The following NALF1 variants were observed in gnomAD, a reference collection of about 807,000 sequenced individuals.
The protein encoded by NALF1 is NALCN channel auxiliary factor 1, also known as family with sequence similarity 155 member A.
A neutral mutation model predicts 48.4 loss-of-function variants in NALF1; 3 were observed. The observed-to-expected ratio is 0.06, with a 90% confidence interval of 0.03 to 0.16. The LOEUF (loss-of-function observed/expected upper bound fraction) is 0.16. NALF1 is among the 10% of genes least tolerant of loss of function. The pLI, the probability that NALF1 is intolerant of heterozygous loss-of-function variation, is 1.00. For missense variants in NALF1, 526 were observed against 571.5 expected, an observed-to-expected ratio of 0.92 and a Z score of 0.81; for synonymous variants, 262 against 245.7, an observed-to-expected ratio of 1.07 and a Z score of -0.62.
intron 1 of NALF1, among the ~76,000 whole-genome samples, chr13:107,295,203 A>C (rs1392300870): frequency 6.6e-6 from 1 of 152,044 alleles, no homozygotes; most frequent in Admixed American, 6.6e-5. Flanking sequence ...AGGTGTACTC[A>C]ATGTTTAGTT....
At chr13:107,513,263 C>T in intron 1 of NALF1, among the ~76,000 whole-genome samples, 1 of 152,208 alleles carries the variant, frequency 6.6e-6, no homozygotes, top group Middle Eastern at 3.4e-3. Flanking sequence ...TGCTTTCTGG[C>T]AAAATAATTT....
chr13:107,211,226 G>C (rs906795149), intron 1 of NALF1, among the ~76,000 whole-genome samples: 1 of 152,186 alleles, frequency 6.6e-6, no homozygotes, highest in African/African-American at 2.4e-5. Flanking sequence ...GGCCCAGCAG[G>C]GGTTGGGAAA....
rs1343904522 is a variant in NALF1 at position 107,790,319 on chromosome 13, G to A, written c.915+75363C>T. Among the ~76,000 whole-genome samples, 3 of 152,106 alleles carry A rather than the reference G, an allele frequency of 2.0e-5. No homozygotes were observed. The East Asian group carries it at 5.8e-4, about 29-fold the overall frequency. The stretch of plus-strand genomic sequence containing the variant: ...TGGAATAATACAGTACAAAGAATAT[G>A]TCAAAATTAACTCTTAAATAGGCAA... On this transcript the variant is annotated intron_variant, in intron 1 of 2. Transcript: ENST00000375915.
chr13:107,312,668 TAC>T (rs1314389120), intron 1 of NALF1, among the ~76,000 whole-genome samples: 2 of 152,170 alleles, frequency 1.3e-5, no homozygotes, highest in African/African-American at 2.4e-5. Flanking sequence ...AGGAGAACCC[TAC>T]ATCTTTTACG....
intron 1 of NALF1, among the ~76,000 whole-genome samples, chr13:107,782,306 C>G (rs1338275635): frequency 1.3e-5 from 2 of 152,208 alleles, no homozygotes; most frequent in Non-Finnish European, 2.9e-5. Flanking sequence ...CCGCCAGCCT[C>G]GGCCTCCGGA....
At chr13:107,236,546 T>C (rs943388228) in intron 1 of NALF1, among the ~76,000 whole-genome samples, 1 of 152,076 alleles carries the variant, frequency 6.6e-6, no homozygotes, top group African/African-American at 2.4e-5. Context: ...AGAAAACAAA[T>C]GTAAAGAGAT....
chr13:107,798,924 T>A (rs754040726), intron 1 of NALF1, among the ~76,000 whole-genome samples: 1 of 152,220 alleles, frequency 6.6e-6, no homozygotes, highest in Admixed American at 6.5e-5. Context: ...TGAGCACCTA[T>A]ATATGTCAGG....
At position 107,753,474 on chromosome 13, in the gene NALF1, C is replaced by T. The variant is rs57651997; in HGVS notation, c.915+112208G>A. On this transcript the variant is annotated intron_variant, in intron 1 of 2. Coordinates refer to ENST00000375915, the MANE Select transcript of NALF1 (RefSeq NM_001080396.3). ...TACCAATGTAAATAGTGTGTTTGGTCATAACAAAACCAAGGCAGTCTTTTT... is the reference window on the plus strand; with the variant it reads ...TACCAATGTAAATAGTGTGTTTGGTTATAACAAAACCAAGGCAGTCTTTTT... Among the ~76,000 whole-genome samples the T allele has an allele frequency of 0.04, 5,994 of 149,904 alleles. 524 individuals are homozygous for T. The East Asian group carries it at 0.42, about 11-fold the overall frequency.
intron 1 of NALF1, among the ~76,000 whole-genome samples, chr13:107,342,856 C>T (rs1332638915): frequency 1.3e-5 from 2 of 152,084 alleles, no homozygotes; most frequent in Non-Finnish European, 1.5e-5. Context: ...ATGTATCTAA[C>T]ATCAAAGCTC....
intron 1 of NALF1, among the ~76,000 whole-genome samples, chr13:107,793,839 C>T (rs1353697985): frequency 1.3e-5 from 2 of 151,568 alleles, no homozygotes; most frequent in Admixed American, 6.6e-5. Flanking sequence ...CAATGAATCA[C>T]TAAAAGTTTT....
Position 107,406,564 on chromosome 13 carries a change from A to G in NALF1, c.916-195809T>C, listed in dbSNP as rs552909440. Among the ~76,000 whole-genome samples the G allele has an allele frequency of 2.6e-5, 4 of 152,196 alleles. No homozygotes were observed. In the South Asian group the frequency reaches 8.3e-4, roughly 32 times the overall value. On this transcript the variant is annotated intron_variant, in intron 1 of 2. Coordinates refer to ENST00000375915, the MANE Select transcript of NALF1 (RefSeq NM_001080396.3). ...CCATGTTCATGGATTAGAAGAATCAACATTGTCAAAATGTCTATACTACCC... is the reference window on the plus strand; with the variant it reads ...CCATGTTCATGGATTAGAAGAATCAGCATTGTCAAAATGTCTATACTACCC...
At chr13:107,213,230 CAAAAAAAAAAA>C (rs386380636) in intron 1 of NALF1, among the ~76,000 whole-genome samples, 10 of 103,384 alleles carry the variant, frequency 9.7e-5, no homozygotes, top group African/African-American at 3.0e-4. Flanking sequence ...TTTTTTAACT[CAAAAAAAAAAA>C]AAAAAAAAAG....
chr13:107,811,158 C>G (rs1878977998), intron 1 of NALF1, among the ~76,000 whole-genome samples: 1 of 152,128 alleles, frequency 6.6e-6, no homozygotes, highest in African/African-American at 2.4e-5. Flanking sequence ...TTGCATTATT[C>G]TTTAAGCAGC....
intron 1 of NALF1, among the ~76,000 whole-genome samples, chr13:107,392,247 T>C (rs960803062): frequency 3.3e-5 from 5 of 152,042 alleles, no homozygotes; most frequent in Admixed American, 3.3e-4. Context: ...TCAGAGATTC[T>C]TTCCCTTCCA....
intron 1 of NALF1, among the ~76,000 whole-genome samples, chr13:107,709,791 C>T (rs1405047747): frequency 7.9e-5 from 12 of 152,118 alleles, no homozygotes; most frequent in East Asian, 1.9e-4. Context: ...ATAATTACAA[C>T]GAATAATTAC....
intron 2 of NALF1, among the ~76,000 whole-genome samples, chr13:107,206,970 T>G (rs17432805): frequency 0.24 from 37,007 of 152,130 alleles, 5,363 homozygotes; most frequent in Middle Eastern, 0.39. Context: ...ATCTGTTGAA[T>G]TTGAAGGAAA....
intron 1 of NALF1, among the ~76,000 whole-genome samples, chr13:107,373,510 C>G (rs1883282476): frequency 6.6e-6 from 1 of 152,134 alleles, no homozygotes; most frequent in South Asian, 2.1e-4. Context: ...CTTGCTCTGT[C>G]CCTCCTACAG....
At chr13:107,825,866 C>A (rs1054838007) in intron 1 of NALF1, among the ~76,000 whole-genome samples, 1 of 152,188 alleles carries the variant, frequency 6.6e-6, no homozygotes, top group Admixed American at 6.5e-5. Flanking sequence ...CTGCAACCTC[C>A]ACCTCCTGGG....
At chr13:107,803,736 C>T (rs995037538) in intron 1 of NALF1, among the ~76,000 whole-genome samples, 2 of 152,044 alleles carry the variant, frequency 1.3e-5, no homozygotes, top group African/African-American at 4.8e-5. Context: ...AGTCCCTAAA[C>T]AACAAATTTA....
Sources: gnomAD v4.1 joint callset for allele counts (sites outside exome capture counted in the v4.1 genomes callset) on GRCh38, gnomAD v4.1.1 for gene constraint, MANE v1.5 for transcripts, NCBI Gene and HGNC (gene_info 2026-07-23, HGNC 2026-07-21) for gene names.